CDH4: variants seen among roughly 807,000 people sequenced by gnomAD.
CDH4 encodes cadherin-4.
Under a neutral mutation model 86.0 loss-of-function variants are expected in CDH4, and 33 were observed. That is an observed-to-expected ratio of 0.38 (90% confidence interval 0.29 to 0.51). CDH4 has a LOEUF of 0.51. Ranked by LOEUF, CDH4 falls within the 20% of genes least tolerant of loss-of-function variation. The pLI is 0.86. For missense variants in CDH4, 1,114 were observed against 1,307.4 expected, an observed-to-expected ratio of 0.85 and a Z score of 2.28; for synonymous variants, 555 against 549.4, an observed-to-expected ratio of 1.01 and a Z score of -0.14.
intron 2 of CDH4, among the ~76,000 whole-genome samples, chr20:61,420,454 G>C (rs1382763075): frequency 6.6e-6 from 1 of 152,248 alleles, no homozygotes; most frequent in Non-Finnish European, 1.5e-5. Flanking sequence ...GTCCCCAGGG[G>C]TGGGAAGATC....
intron 11 of CDH4, among the ~76,000 whole-genome samples, chr20:61,925,952 C>G (rs898957752): frequency 6.6e-6 from 1 of 152,220 alleles, no homozygotes; most frequent in African/African-American, 2.4e-5. Context: ...GCAGCCACCC[C>G]CAGCTGCAAG....
At chr20:61,502,945 G>A (rs987709332) in intron 2 of CDH4, among the ~76,000 whole-genome samples, 2 of 152,206 alleles carry the variant, frequency 1.3e-5, no homozygotes, top group African/African-American at 4.8e-5. Flanking sequence ...ACACTGAAGT[G>A]TCGCTCACCG....
intron 2 of CDH4, among the ~76,000 whole-genome samples, chr20:61,315,102 C>A (rs1349070184): frequency 6.6e-6 from 1 of 152,174 alleles, no homozygotes; most frequent in African/African-American, 2.4e-5. Flanking sequence ...AAGCTCCATG[C>A]CAGACTCCTC....
chr20:61,269,179 C>G lies in CDH4; in HGVS notation c.169+14242C>G, dbSNP rs1407271744. The stretch of plus-strand genomic sequence containing the variant: ...CAGCTGGGTTCATCTGCATGACCAC[C>G]CTAGGCAGGAGGCATGTTACTAACC... On this transcript the variant is annotated intron_variant, in intron 2 of 15. Coordinates refer to ENST00000614565, the MANE Select transcript of CDH4 (RefSeq NM_001794.5). The surrounding 1 kb of genome is among the most constrained non-coding windows in gnomAD (Gnocchi z 5.3). 6.6e-6 allele frequency among the ~76,000 whole-genome samples: 1 copy of G among 152,172 alleles called. No homozygotes were observed. The highest frequency in any genetic ancestry group is 2.4e-5 in the African/African-American group (1 of 41,438).
At chr20:61,692,147 G>GTGTA (rs202004999) in intron 2 of CDH4, among the ~76,000 whole-genome samples, 1 of 148,544 alleles carries the variant, frequency 6.7e-6, no homozygotes, top group Non-Finnish European at 1.5e-5. Context: ...GTATGTATGT[G>GTGTA]TGTATGTATG....
At chr20:61,760,881 T>G (rs528300404) in intron 3 of CDH4, among the ~76,000 whole-genome samples, 4 of 152,368 alleles carry the variant, frequency 2.6e-5, no homozygotes, top group Non-Finnish European at 5.9e-5. Flanking sequence ...CTTTTCGGAA[T>G]GAAACTCATG....
At chr20:61,654,973 G>A (rs768223995) in intron 2 of CDH4, among the ~76,000 whole-genome samples, 3 of 152,138 alleles carry the variant, frequency 2.0e-5, no homozygotes, top group East Asian at 1.9e-4. Flanking sequence ...CCATGGAAAC[G>A]CGTCTGCGGA....
chr20:61,793,438 TG>T (rs1168604747), intron 4 of CDH4, among the ~76,000 whole-genome samples: 1 of 152,192 alleles, frequency 6.6e-6, no homozygotes, highest in Non-Finnish European at 1.5e-5. Context: ...AAAAAGGCTC[TG>T]GGGGCTAGGG....
chr20:61,372,464 C>T (rs988661665), intron 2 of CDH4, among the ~76,000 whole-genome samples: 1 of 152,226 alleles, frequency 6.6e-6, no homozygotes, highest in Non-Finnish European at 1.5e-5. Flanking sequence ...CCCCATGGCT[C>T]TATTTGCAGA....
At chr20:61,926,937 C>T (rs948387376) in intron 11 of CDH4, among the ~76,000 whole-genome samples, 9 of 152,174 alleles carry the variant, frequency 5.9e-5, no homozygotes, top group South Asian at 2.1e-4. Context: ...GCGTCCATCG[C>T]ACGTGGCAGA....
At chr20:61,388,490 T>C (rs930086481) in intron 2 of CDH4, among the ~76,000 whole-genome samples, 2 of 152,196 alleles carry the variant, frequency 1.3e-5, no homozygotes, top group African/African-American at 2.4e-5. Flanking sequence ...TGCAGGATGA[T>C]ACCGTGACCC....
At position 61,807,655 on chromosome 20, in the gene CDH4, CAG is replaced by C. The variant is rs1980207427; in HGVS notation, c.576+34475_576+34476del. On this transcript the variant is annotated intron_variant, in intron 4 of 15. Coordinates refer to ENST00000614565, the MANE Select transcript of CDH4 (RefSeq NM_001794.5). This position sits in a 1 kb window ranked among gnomAD's most constrained non-coding sequence, Gnocchi z 4.5. Reference sequence around the variant, plus strand: ...GCCAAATAGCATTCGGGGAGGTAAACAGAAGATTGTGAGAACAGCTGGGGAAC... The same window carrying C: ...GCCAAATAGCATTCGGGGAGGTAAACAAGATTGTGAGAACAGCTGGGGAAC... 6.6e-6 allele frequency among the ~76,000 whole-genome samples: 1 copy of C among 152,142 alleles called. No individual in the cohort carries two copies. Among genetic ancestry groups the C allele is most frequent in the African/African-American group, 2.4e-5 (1 of 41,424 alleles).
At chr20:61,765,932 C>T (rs973003334) in intron 3 of CDH4, among the ~76,000 whole-genome samples, 2 of 152,048 alleles carry the variant, frequency 1.3e-5, no homozygotes, top group Non-Finnish European at 2.9e-5. Flanking sequence ...AGGTGGAATG[C>T]CGGACTCTGA....
intron 2 of CDH4, among the ~76,000 whole-genome samples, chr20:61,699,046 ATG>A (rs2087745040): frequency 6.6e-6 from 1 of 152,264 alleles, no homozygotes; most frequent in Non-Finnish European, 1.5e-5. Flanking sequence ...GTGGCTGGTC[ATG>A]TGGAACGTGT....
chr20:61,293,269 A>G (rs938384129), intron 2 of CDH4, among the ~76,000 whole-genome samples: 3 of 152,082 alleles, frequency 2.0e-5, no homozygotes, highest in African/African-American at 7.2e-5. Context: ...AGAGAGGAGG[A>G]TGAGGGTGGA....
chr20:61,647,159 G>A (rs1005804349), intron 2 of CDH4, among the ~76,000 whole-genome samples: 3 of 152,110 alleles, frequency 2.0e-5, no homozygotes, highest in African/African-American at 4.8e-5. Flanking sequence ...CCAGTATAGC[G>A]CCAGGCACGT....
intron 7 of CDH4, among the ~76,000 whole-genome samples, chr20:61,883,310 CTT>C (rs1330073143): frequency 1.3e-5 from 2 of 152,226 alleles, no homozygotes; most frequent in Admixed American, 1.3e-4. Context: ...ATATGATACT[CTT>C]TGCTATTTGC....
At chr20:61,880,114 CT>C (rs995736517) in intron 7 of CDH4, among the ~76,000 whole-genome samples, 1 of 152,216 alleles carries the variant, frequency 6.6e-6, no homozygotes, top group African/African-American at 2.4e-5. Flanking sequence ...CCACCATCGA[CT>C]TTAGTTAATG....
intron 2 of CDH4, among the ~76,000 whole-genome samples, chr20:61,722,493 C>T (rs1368542285): frequency 6.6e-6 from 1 of 152,176 alleles, no homozygotes; most frequent in Non-Finnish European, 1.5e-5. Flanking sequence ...GGAAGCAGGA[C>T]CCAGGTGCAT....
Sources: gnomAD v4.1 joint callset for allele counts (sites outside exome capture counted in the v4.1 genomes callset) on GRCh38, gnomAD v4.1.1 for gene constraint, Gnocchi (gnomAD v3.1) non-coding constraint, MANE v1.5 for transcripts, NCBI Gene and HGNC (gene_info 2026-07-23, HGNC 2026-07-21) for gene names.